Variants in KCNK2 observed in about 807,000 individuals in gnomAD.
KCNK2 encodes potassium two pore domain channel subfamily K member 2.
A neutral mutation model predicts 40.5 loss-of-function variants in KCNK2; 21 were observed. The observed-to-expected ratio is 0.52, with a 90% CI of 0.37 to 0.75. The LOEUF is 0.75. Among genes scored for constraint, KCNK2 ranks in the 30% least tolerant of loss-of-function variants. KCNK2 has a pLI of 0.00. For missense variants in KCNK2, 399 were observed against 531.6 expected (o/e 0.75, Z 2.45); for synonymous variants, 191 against 202.2 (o/e 0.94, Z 0.47).
In KCNK2 at chr1:215,172,113, G is replaced by A; in HGVS notation, c.753G>A (p.Trp251Ter). 6.2e-7 allele frequency: 1 copy of A among 1,613,706 alleles called. No homozygotes were observed. Among genetic ancestry groups the A allele is most frequent in the Non-Finnish European group, 8.5e-7 (1 of 1,179,796 alleles). ...TCATATTCAAACACATAGAAGGCTG[G>A]AGTGCCCTGGACGCCATTTATTTTG... ...PAIIFKHIEG[W>*]SALDAIYFVV... The change falls in exon 5 of 7, where the codon TGG becomes TGA. Residue 251 changes from tryptophan to a stop codon, truncating the protein, a stop_gained. Transcript: ENST00000444842. LOFTEE classifies it high-confidence loss of function.
chr1:215,027,561 C>G (rs530736742), intron 1 of KCNK2, among the ~76,000 whole-genome samples: 2 of 152,300 alleles, frequency 1.3e-5, no homozygotes, highest in South Asian at 2.1e-4. Context: ...TTCTTGCACA[C>G]CCAGAGTAAA....
rs201439627 is a variant in KCNK2 at position 215,112,315 on chromosome 1, GT to G, written c.358-12306del. Among the ~76,000 whole-genome samples, 164 of 143,020 alleles carry G rather than the reference GT, an allele frequency of 1.1e-3. 2 individuals are homozygous for G. In the South Asian group the frequency reaches 0.023, roughly 20 times the overall value. 93.8% of individuals were successfully genotyped at this position (143,020 alleles called of 152,430 possible). A position where few individuals can be genotyped will look rare whatever the true frequency, so the allele number is the denominator to read the frequency against. ...CCTAGGATGATTTGTTTGTGTCTTA[GT>G]TTTTTTTTTTTAAAGTGCTTAAAAA... On this transcript the variant is annotated intron_variant, in intron 2 of 6. Coordinates refer to ENST00000444842, the MANE Select transcript of KCNK2 (RefSeq NM_001017425.3).
chr1:215,078,921 A>G (rs1250969413), upstream of KCNK2, among the ~76,000 whole-genome samples: 1 of 152,204 alleles, frequency 6.6e-6, no homozygotes, highest in Non-Finnish European at 1.5e-5. Context: ...AACTGCAAGA[A>G]AAGGCAGTGA....
At chr1:215,218,414 G>A (rs1366358121) in intron 6 of KCNK2, among the ~76,000 whole-genome samples, 1 of 152,068 alleles carries the variant, frequency 6.6e-6, no homozygotes, top group African/African-American at 2.4e-5. Context: ...TCCTAGTATC[G>A]CTACCCGACT....
chr1:215,110,193 C>CT (rs1660618154), intron 2 of KCNK2, among the ~76,000 whole-genome samples: 1 of 152,024 alleles, frequency 6.6e-6, no homozygotes, highest in Non-Finnish European at 1.5e-5. Context: ...ATTTCTTTTG[C>CT]TGTGCAGAAG....
In KCNK2 at chr1:215,021,323, A is replaced by G. The variant is rs1042167338; in HGVS notation, c.34+15368A>G. ...TTTTAGGTGTCGGCTTGACTGGGTT[A>G]AGGGTTACCCAGATAGCTGGGAAAG... is the stretch of plus-strand genomic sequence containing the variant. On this transcript the variant is annotated intron_variant, in intron 1 of 6. Transcript: ENST00000391895. Among the ~76,000 whole-genome samples, 64 of 152,156 alleles carry G rather than the reference A, an allele frequency of 4.2e-4. 1 individual carries two copies. The highest frequency in any genetic ancestry group is 7.9e-4 in the Non-Finnish European group (54 of 68,004).
intron 1 of KCNK2, among the ~76,000 whole-genome samples, chr1:215,015,893 T>C (rs1216911989): frequency 6.6e-6 from 1 of 152,158 alleles, no homozygotes; most frequent in Non-Finnish European, 1.5e-5. Context: ...GATCATGAGC[T>C]TGGTCTCTGT....
At chr1:215,020,484 GGT>G in intron 1 of KCNK2, among the ~76,000 whole-genome samples, 1 of 152,212 alleles carries the variant, frequency 6.6e-6, no homozygotes, top group East Asian at 1.9e-4. Context: ...GGAGTGCAGT[GGT>G]GCAATCTTGG....
chr1:215,212,534 G>A (rs1411842214), intron 6 of KCNK2, among the ~76,000 whole-genome samples: 1 of 152,028 alleles, frequency 6.6e-6, no homozygotes, highest in Non-Finnish European at 1.5e-5. Flanking sequence ...TAATAGTATT[G>A]GATAAAGTGA....
At chr1:215,222,146 C>A (rs1666204838) in intron 6 of KCNK2, among the ~76,000 whole-genome samples, 1 of 152,264 alleles carries the variant, frequency 6.6e-6, no homozygotes, top group South Asian at 2.1e-4. Flanking sequence ...ACCCCCATGA[C>A]CCCATGACCC....
chr1:215,227,456 G>C (rs999234409), intron 6 of KCNK2, among the ~76,000 whole-genome samples: 3 of 152,118 alleles, frequency 2.0e-5, no homozygotes, highest in Non-Finnish European at 2.9e-5. Flanking sequence ...TAAAAGAAAC[G>C]TTCAGGATGG....
At chr1:215,125,739 A>AATATATATAT (rs66622204) in intron 3 of KCNK2, among the ~76,000 whole-genome samples, 66 of 124,274 alleles carry the variant, frequency 5.3e-4, no homozygotes, top group South Asian at 1.3e-3. Flanking sequence ...AAGTATAATA[A>AATATATATAT]ATATATATAT....
chr1:215,177,715 T>C (rs547685760), intron 5 of KCNK2, among the ~76,000 whole-genome samples: 8 of 85,788 alleles, frequency 9.3e-5, no homozygotes, highest in Non-Finnish European at 1.9e-4. Context: ...GGCCTATATA[T>C]ATATGTGTAT....
At chr1:215,027,488 A>T (rs908163363) in intron 1 of KCNK2, among the ~76,000 whole-genome samples, 1 of 152,174 alleles carries the variant, frequency 6.6e-6, no homozygotes, top group East Asian at 1.9e-4. Context: ...TATTAATGTG[A>T]TCATATGAGA....
At chr1:215,167,745 T>C (rs1038557188) in intron 3 of KCNK2, among the ~76,000 whole-genome samples, 1 of 152,170 alleles carries the variant, frequency 6.6e-6, no homozygotes, top group Non-Finnish European at 1.5e-5. Context: ...TAAGGCAATA[T>C]AGTATTCTCA....
intron 6 of KCNK2, among the ~76,000 whole-genome samples, chr1:215,209,021 A>G (rs952350277): frequency 6.6e-6 from 1 of 151,042 alleles, no homozygotes. Context: ...GAGATGGGGT[A>G]TCACCATGTT....
chr1:215,076,298 C>T (rs539724407), intron 1 of KCNK2, among the ~76,000 whole-genome samples: 2 of 152,270 alleles, frequency 1.3e-5, no homozygotes, highest in South Asian at 4.1e-4. Context: ...AAAACTAGCC[C>T]AAAACTTAGC....
At chr1:215,111,303 A>G (rs1470508169) in intron 2 of KCNK2, among the ~76,000 whole-genome samples, 1 of 152,022 alleles carries the variant, frequency 6.6e-6, no homozygotes, top group African/African-American at 2.4e-5. Flanking sequence ...CTTGTTCCTG[A>G]TCTTAAAAGA....
intron 1 of KCNK2, among the ~76,000 whole-genome samples, chr1:215,049,998 T>C (rs1039884395): frequency 6.6e-6 from 1 of 152,124 alleles, no homozygotes; most frequent in Non-Finnish European, 1.5e-5. Context: ...GCCTGTGCCT[T>C]CCTCCATAAA....
Sources: gnomAD v4.1 joint callset for allele counts (sites outside exome capture counted in the v4.1 genomes callset) on GRCh38, gnomAD v4.1.1 for gene constraint, MANE v1.5 for transcripts, NCBI Gene and HGNC (gene_info 2026-07-23, HGNC 2026-07-21) for gene names.